Variants in UNC5B observed in about 807,000 individuals in gnomAD.
UNC5B encodes the protein netrin receptor UNC5B.
UNC5B carries 56 observed loss-of-function variants against 103.7 expected under a neutral mutation model. The observed-to-expected ratio is 0.54, with a 90% confidence interval of 0.44 to 0.67. The LOEUF is 0.67. Among genes scored for constraint, UNC5B ranks in the 30% least tolerant of loss-of-function variants. The pLI is 0.00. For missense variants in UNC5B, 1,194 were observed against 1,284.5 expected, an observed-to-expected ratio of 0.93 and a Z score of 1.08; for synonymous variants, 577 against 542.0, an observed-to-expected ratio of 1.06 and a Z score of -0.90.
At position 71,287,017 on chromosome 10, in the gene UNC5B, T is replaced by C. The variant is rs895228244; in HGVS notation, c.733+148T>C. The stretch of plus-strand genomic sequence containing the variant: ...CAAGATCACAACACAGCAGAATTCA[T>C]GGCCAAGTTGGGCATTCCTGGGTTC... On this transcript the variant is annotated intron_variant, in intron 5 of 16. Transcript: ENST00000335350. 25 of 1,175,580 alleles carry C rather than the reference T, an allele frequency of 2.1e-5. No individual in the cohort carries two copies. The African/African-American group carries it at 3.6e-4, about 17-fold the overall frequency. The allele number at this position is 1,175,580 out of a possible 1,614,324, so 72.8% of individuals were successfully genotyped here.
At chr10:71,223,649 G>T (rs1477889949) in intron 1 of UNC5B, among the ~76,000 whole-genome samples, 1 of 152,106 alleles carries the variant, frequency 6.6e-6, no homozygotes, top group East Asian at 1.9e-4. Flanking sequence ...CACTTGCTGG[G>T]CTGGTAAATT....
At chr10:71,276,990 A>C (rs1844787407) in intron 1 of UNC5B, among the ~76,000 whole-genome samples, 1 of 152,232 alleles carries the variant, frequency 6.6e-6, no homozygotes, top group Non-Finnish European at 1.5e-5. Context: ...CCAGAGCTGA[A>C]TCTTTGCACC....
At chr10:71,242,968 C>T (rs1843940052) in intron 1 of UNC5B, among the ~76,000 whole-genome samples, 1 of 152,196 alleles carries the variant, frequency 6.6e-6, no homozygotes, top group Admixed American at 6.5e-5. Context: ...CGCGGTGGCT[C>T]AGGCCTGTAA....
At chr10:71,215,811 G>T (rs944872314) in intron 1 of UNC5B, among the ~76,000 whole-genome samples, 18 of 25,226 alleles carry the variant, frequency 7.1e-4, no homozygotes, top group African/African-American at 1.6e-3. Context: ...TGCTTGGTGT[G>T]TGTGTGTGTG....
At chr10:71,236,913 T>C (rs1843785968) in intron 1 of UNC5B, among the ~76,000 whole-genome samples, 1 of 152,222 alleles carries the variant, frequency 6.6e-6, no homozygotes, top group African/African-American at 2.4e-5. Flanking sequence ...CACTTAGGAA[T>C]GAGAGAAGAT....
chr10:71,289,214 G>T (rs890740369), intron 8 of UNC5B, among the ~76,000 whole-genome samples: 3 of 152,228 alleles, frequency 2.0e-5, no homozygotes, highest in Admixed American at 6.5e-5. Context: ...ACCCTACTGA[G>T]CCTCCTCTCA....
intron 1 of UNC5B, among the ~76,000 whole-genome samples, chr10:71,261,655 C>T (rs951859426): frequency 4.6e-5 from 7 of 152,208 alleles, no homozygotes; most frequent in Admixed American, 2.6e-4. Context: ...TGTGCCCCTC[C>T]TTGTGCCCAG....
chr10:71,289,545 C>T (rs1214259846), intron 8 of UNC5B, among the ~76,000 whole-genome samples: 1 of 152,244 alleles, frequency 6.6e-6, no homozygotes, highest in Non-Finnish European at 1.5e-5. Flanking sequence ...CATATCAGAG[C>T]AGCAAAGCCA....
chr10:71,293,329 A>G lies in UNC5B; in HGVS notation c.1773-76A>G, dbSNP rs1845314512. The G allele has an allele frequency of 1.5e-5, 23 of 1,503,302 alleles. No homozygotes were observed. In the South Asian group the frequency reaches 3.0e-4, roughly 20 times the overall value. The allele number at this position is 1,503,302 out of a possible 1,614,324, so 93.1% of individuals were successfully genotyped here. ...CCTCCACCTCCCGGGCCCTGGGCAG[A>G]CTTGGGAGCCCAGCAGGAGCCTGCA... is the stretch of plus-strand genomic sequence containing the variant. On this transcript the variant is annotated intron_variant, in intron 11 of 16. Transcript: ENST00000335350.
At chr10:71,283,615 G>GACT (rs1844986874) in intron 2 of UNC5B, among the ~76,000 whole-genome samples, 1 of 152,244 alleles carries the variant, frequency 6.6e-6, no homozygotes, top group South Asian at 2.1e-4. Context: ...ACACAAGGCA[G>GACT]TCAGGGAGGC....
intron 2 of UNC5B, among the ~76,000 whole-genome samples, chr10:71,284,491 C>T (rs538697085): frequency 6.6e-6 from 1 of 152,292 alleles, no homozygotes; most frequent in East Asian, 1.9e-4. Context: ...ACACTAGCTG[C>T]CAGGTAGAAG....
intron 3 of UNC5B, among the ~76,000 whole-genome samples, 200 bp downstream of exon 3, chr10:71,285,063 T>A (rs1333112258): frequency 6.6e-6 from 1 of 152,186 alleles, no homozygotes; most frequent in Admixed American, 6.5e-5. Flanking sequence ...CATCTACTTC[T>A]GTATAAAAGA....
chr10:71,230,648 G>A (rs1174740657), intron 1 of UNC5B, among the ~76,000 whole-genome samples: 1 of 152,250 alleles, frequency 6.6e-6, no homozygotes, highest in Admixed American at 6.5e-5. Context: ...CTCACCATGG[G>A]TGGACAGCTG....
At chr10:71,283,168 G>C (rs554762753) in intron 2 of UNC5B, among the ~76,000 whole-genome samples, 17 of 152,108 alleles carry the variant, frequency 1.1e-4, no homozygotes, top group Non-Finnish European at 2.4e-4. Context: ...GCTCTAACCT[G>C]GGAAAGACAC....
intron 7 of UNC5B, 43 bp from the exon 8 acceptor site, chr10:71,288,915 C>T (rs1041344583): frequency 6.2e-7 from 1 of 1,607,182 alleles, no homozygotes; most frequent in East Asian, 2.2e-5. Context: ...CACCCTTTCC[C>T]TGTCACCTAT....
intron 1 of UNC5B, among the ~76,000 whole-genome samples, chr10:71,228,345 C>T (rs754832039): frequency 6.6e-6 from 1 of 151,682 alleles, no homozygotes. Flanking sequence ...AATAAAAAAA[C>T]TGATCAGTTT....
At chr10:71,244,334 C>G (rs1843973951) in intron 1 of UNC5B, among the ~76,000 whole-genome samples, 1 of 152,252 alleles carries the variant, frequency 6.6e-6, no homozygotes, top group African/African-American at 2.4e-5. Context: ...CAGGGCCACT[C>G]AGGCATTATG....
chr10:71,290,471 A>G (rs1396673838), intron 8 of UNC5B, among the ~76,000 whole-genome samples: 1 of 152,166 alleles, frequency 6.6e-6, no homozygotes, highest in Non-Finnish European at 1.5e-5. Context: ...ACAGCTACTT[A>G]CAAAGATAAC....
At chr10:71,250,067 A>G (rs1012034724) in intron 1 of UNC5B, among the ~76,000 whole-genome samples, 6 of 152,340 alleles carry the variant, frequency 3.9e-5, no homozygotes, top group Non-Finnish European at 2.9e-5. Context: ...GACACCAGGC[A>G]TCTCACCACT....
Sources: allele counts gnomAD v4.1 joint callset (sites outside exome capture counted in the v4.1 genomes callset), GRCh38; gene constraint gnomAD v4.1.1; transcripts MANE v1.5; gene names NCBI Gene and HGNC (gene_info 2026-07-23, HGNC 2026-07-21).